PRKAR1A: variants seen among roughly 807,000 people sequenced by gnomAD.
The protein encoded by PRKAR1A is protein kinase cAMP-dependent type I regulatory subunit alpha, also known as cAMP-dependent protein kinase type I-alpha regulatory subunit.
Under a neutral mutation model 52.0 loss-of-function variants are expected in PRKAR1A, and 3 were observed. The observed-to-expected ratio is 0.06, with a 90% CI of 0.03 to 0.15. PRKAR1A has a LOEUF of 0.15. Ranked by LOEUF, PRKAR1A falls within the 10% of genes least tolerant of loss-of-function variation. The probability of loss-of-function intolerance (pLI) is 1.00; values close to 1 mark genes in which losing one functional copy is unlikely to be tolerated. For synonymous variants in PRKAR1A, 188 were observed against 168.4 expected, an observed-to-expected ratio of 1.12 and a Z score of -0.90; for missense variants, 240 against 477.4, an observed-to-expected ratio of 0.50 and a Z score of 4.63.
chr17:68,486,386 C>CTCTTTCTTTCTT, the PRKAR1A span, among the ~76,000 whole-genome samples: 1 of 135,596 alleles, frequency 7.4e-6, no homozygotes, highest in South Asian at 2.4e-4. Context: ...TTCTTTCTTT[C>CTCTTTCTTTCTT]TCTTTCTTTC....
At chr17:68,450,874 C>A in the PRKAR1A span, 1 of 1,613,104 alleles carries the variant, frequency 6.2e-7, no homozygotes, top group South Asian at 1.1e-5. Flanking sequence ...AGGCGCTCCA[C>A]GATGTAGACG....
the PRKAR1A span, chr17:68,429,853 T>TGA: frequency 8.4e-7 from 1 of 1,190,166 alleles, no homozygotes; most frequent in South Asian, 1.3e-5. Flanking sequence ...CCTCCCAAGG[T>TGA]TCCGGGATTA....
chr17:68,466,073 C>T, the PRKAR1A span, among the ~76,000 whole-genome samples: 3 of 152,238 alleles, frequency 2.0e-5, no homozygotes, highest in African/African-American at 7.2e-5. Flanking sequence ...ACCTTACTGA[C>T]TTCTGCGTGC....
the PRKAR1A span, chr17:68,451,022 G>GC: frequency 7.5e-7 from 1 of 1,327,016 alleles, no homozygotes; most frequent in Non-Finnish European, 1.0e-6. Context: ...CCGGCCAGGC[G>GC]CCCTCTCTGA....
chr17:68,484,571 A>G, the PRKAR1A span, among the ~76,000 whole-genome samples: 2 of 151,540 alleles, frequency 1.3e-5, no homozygotes, highest in Middle Eastern at 3.4e-3. Context: ...ATCTTCCATT[A>G]TAATGTTAAA....
chr17:68,511,443 A>C (rs1405682010), upstream of PRKAR1A, among the ~76,000 whole-genome samples: 1 of 151,986 alleles, frequency 6.6e-6, no homozygotes, highest in Non-Finnish European at 1.5e-5. Context: ...AATTTTCCCC[A>C]TTAGTGCAGC....
At position 68,543,845 on chromosome 17, in the gene PRKAR1A, C is replaced by T. The variant is rs550964237; in HGVS notation, c.974-7239C>T. On this transcript the variant is annotated intron_variant, in intron 11 of 11. Transcript: ENST00000585981. ...TTTATGCTTTTCATGTACACACAGG[C>T]GATGGCACGGCAAGTCAGGAATGGC... is the stretch of plus-strand genomic sequence containing the variant. The T allele has an allele frequency of 9.4e-5, 78 of 830,328 alleles. No homozygotes were observed. The African/African-American group carries it at 1.1e-3, about 11-fold the overall frequency. The allele number at this position is 830,328 out of a possible 1,614,324, so 51.4% of individuals were successfully genotyped here.
At chr17:68,492,620 C>T in the PRKAR1A span, among the ~76,000 whole-genome samples, 2 of 152,090 alleles carry the variant, frequency 1.3e-5, no homozygotes, top group Non-Finnish European at 2.9e-5. Context: ...AGTGTGTTAG[C>T]GCTTGGGAAC....
the PRKAR1A span, chr17:68,433,550 A>C: frequency 6.2e-7 from 1 of 1,613,788 alleles, no homozygotes; most frequent in South Asian, 1.1e-5. Context: ...TCCATACTGA[A>C]CACTAGAGAG....
chr17:68,534,413 TC>T (rs2143419209), downstream of PRKAR1A, among the ~76,000 whole-genome samples: 1 of 152,286 alleles, frequency 6.6e-6, no homozygotes, highest in South Asian at 2.1e-4. Flanking sequence ...AACCCCAAAA[TC>T]AATAGTCACA....
chr17:68,490,601 TC>T, the PRKAR1A span, among the ~76,000 whole-genome samples: 1 of 152,140 alleles, frequency 6.6e-6, no homozygotes, highest in East Asian at 1.9e-4. Context: ...CTTTTTTTTT[TC>T]TTAAGGTTTG....
chr17:68,516,929 CTCT>C (rs1430431468), intron 2 of PRKAR1A, among the ~76,000 whole-genome samples: 2 of 152,152 alleles, frequency 1.3e-5, no homozygotes, highest in Admixed American at 1.3e-4. Context: ...AAGGTGATCC[CTCT>C]TCTTTGGACA....
chr17:68,519,529 A>T (rs895524733), intron 2 of PRKAR1A, among the ~76,000 whole-genome samples: 1 of 152,166 alleles, frequency 6.6e-6, no homozygotes, highest in African/African-American at 2.4e-5. Flanking sequence ...ATATGTGGGG[A>T]TTATGGGAAC....
At chr17:68,527,691 G>C (rs2085834015) in intron 7 of PRKAR1A, 149 bp from the exon 8 acceptor site, 2 of 642,166 alleles carry the variant, frequency 3.1e-6, no homozygotes, top group Non-Finnish European at 5.3e-6. Flanking sequence ...AAATGAATTA[G>C]TTAAAATTAA....
chr17:68,473,649 A>G, the PRKAR1A span, among the ~76,000 whole-genome samples: 1 of 152,198 alleles, frequency 6.6e-6, no homozygotes, highest in South Asian at 2.1e-4. Context: ...CAGCCTCCCA[A>G]GTAGCTCGGA....
At chr17:68,546,395 C>T (rs1477942547) in intron 11 of PRKAR1A, among the ~76,000 whole-genome samples, 2 of 152,006 alleles carry the variant, frequency 1.3e-5, no homozygotes, top group Non-Finnish European at 2.9e-5. Context: ...GATATTTTTA[C>T]CTCCTTCCAC....
chr17:68,527,437 G>T, intron 7 of PRKAR1A: 1 of 214,784 alleles, frequency 4.7e-6, no homozygotes, highest in South Asian at 6.2e-5. Flanking sequence ...GATAAATTGG[G>T]TTGGCAGTGG....
At chr17:68,445,195 T>C in the PRKAR1A span, among the ~76,000 whole-genome samples, 1 of 151,902 alleles carries the variant, frequency 6.6e-6, no homozygotes, top group Admixed American at 6.6e-5. Context: ...GCTGGGATGA[T>C]AGGCCTGAGC....
chr17:68,515,370 C>T (rs772568194), intron 1 of PRKAR1A, 24 bp from the exon 2 acceptor site: 2 of 1,611,972 alleles, frequency 1.2e-6, no homozygotes, highest in South Asian at 2.2e-5. Flanking sequence ...TTTATACAAG[C>T]ATGTGTGTGT....
Sources: allele counts gnomAD v4.1 joint callset (sites outside exome capture counted in the v4.1 genomes callset), GRCh38; gene constraint gnomAD v4.1.1; transcripts MANE v1.5; gene names NCBI Gene and HGNC (gene_info 2026-07-23, HGNC 2026-07-21).